PIWIL1: variants seen among roughly 807,000 people sequenced by gnomAD.
PIWIL1 encodes piwi like RNA-mediated gene silencing 1.
A neutral mutation model predicts 114.4 loss-of-function variants in PIWIL1; 73 were observed. That is an observed-to-expected ratio of 0.64 (90% CI 0.53 to 0.78). PIWIL1 has a LOEUF of 0.78. Among genes scored for constraint, PIWIL1 ranks in the 30% least tolerant of loss-of-function variants. PIWIL1 has a pLI of 0.00. For synonymous variants in PIWIL1, 375 were observed against 369.0 expected (o/e 1.02, Z -0.19); for missense variants, 723 against 1,063.1 (o/e 0.68, Z 4.45).
the PIWIL1 span, chr12:130,399,823 C>A: frequency 1.2e-6 from 2 of 1,613,760 alleles, no homozygotes; most frequent in Middle Eastern, 1.6e-4. Context: ...CCTAAAACAC[C>A]AGGGGTGAGG....
chr12:130,409,660 G>A, the PIWIL1 span, among the ~76,000 whole-genome samples: 1 of 152,112 alleles, frequency 6.6e-6, no homozygotes, highest in Non-Finnish European at 1.5e-5. Context: ...TAGCTTTTGA[G>A]ACAGGCTTCT....
At position 130,362,980 on chromosome 12, in the gene PIWIL1, G is replaced by A; in HGVS notation, c.2042-11G>A. 6.2e-7 allele frequency: 1 copy of A among 1,613,370 alleles called. No individual in the cohort carries two copies. ...CATGAATTGACATAAAACTTCTCTG[G>A]CCTGTTTCAGCGGCTCTGAGGGCTT... On this transcript the variant is annotated splice_polypyrimidine_tract_variant and intron_variant, in intron 17 of 20. Coordinates refer to ENST00000245255, the MANE Select transcript of PIWIL1 (RefSeq NM_004764.5).
the PIWIL1 span, among the ~76,000 whole-genome samples, chr12:130,404,604 A>G: frequency 6.6e-6 from 1 of 152,234 alleles, no homozygotes; most frequent in South Asian, 2.1e-4. Context: ...AGTTCCTAAG[A>G]GTAAACTTAA....
At chr12:130,376,904 G>T (rs1205072629), downstream of PIWIL1, among the ~76,000 whole-genome samples, 2 of 152,198 alleles carry the variant, frequency 1.3e-5, no homozygotes, top group Non-Finnish European at 2.9e-5. Flanking sequence ...GCTCACAGGA[G>T]ACTCGGTTCT....
chr12:130,424,106 G>T, the PIWIL1 span: 2 of 1,126,322 alleles, frequency 1.8e-6, no homozygotes, highest in Non-Finnish European at 2.2e-6. The surrounding 1 kb of genome is among the most constrained non-coding windows in gnomAD (Gnocchi z 9.8). Flanking sequence ...GATTGGTTTG[G>T]CAAGCGGCTG....
At chr12:130,426,194 C>G in the PIWIL1 span, 4 of 152,210 alleles carry the variant, frequency 2.6e-5, no homozygotes, top group African/African-American at 9.7e-5. Context: ...CACGTGAGAA[C>G]GTGTGCGCTG....
chr12:130,369,204 A>G (rs768517930), intron 19 of PIWIL1, among the ~76,000 whole-genome samples: 1 of 152,128 alleles, frequency 6.6e-6, no homozygotes, highest in East Asian at 1.9e-4. Context: ...AGCTTCATCC[A>G]TGTCCCTGCA....
the PIWIL1 span, among the ~76,000 whole-genome samples, chr12:130,415,817 C>A: frequency 6.6e-6 from 1 of 152,196 alleles, no homozygotes; most frequent in South Asian, 2.1e-4. Flanking sequence ...GAAGACTCTG[C>A]TAAAAGGCTC....
chr12:130,404,546 C>T, the PIWIL1 span, among the ~76,000 whole-genome samples: 5 of 152,172 alleles, frequency 3.3e-5, no homozygotes, highest in Admixed American at 1.3e-4. Context: ...GTGATCAGCA[C>T]GCCTCAGCCT....
the PIWIL1 span, among the ~76,000 whole-genome samples, chr12:130,394,264 G>T: frequency 2.6e-5 from 4 of 152,164 alleles, no homozygotes; most frequent in African/African-American, 9.7e-5. Context: ...CCAGGCATCA[G>T]TTCTCTGTGA....
In PIWIL1 at chr12:130,363,612, C is replaced by CTTTTTTTTTT. The variant is rs34198016; in HGVS notation, c.2195+482_2195+491dup. The stretch of plus-strand genomic sequence containing the variant: ...GGGCAGGGGTAGTTCTACTTTCTCC[C>CTTTTTTTTTT]TTTTTTTTTTTTTTTTTTTTTTTGA... On this transcript the variant is annotated intron_variant, in intron 18 of 20. Transcript: ENST00000245255. Among the ~76,000 whole-genome samples the CTTTTTTTTTT allele has an allele frequency of 1.3e-4, 11 of 82,432 alleles. 1 individual carries two copies. Among genetic ancestry groups the CTTTTTTTTTT allele is most frequent in the Admixed American group, 3.4e-4 (2 of 5,944 alleles). The allele number at this position is 82,432 out of a possible 152,430, so 54.1% of individuals were successfully genotyped here.
chr12:130,414,477 T>G, the PIWIL1 span: 1 of 599,616 alleles, frequency 1.7e-6, no homozygotes. Context: ...GTCAGATGAA[T>G]TGGAGAAGCA....
At chr12:130,353,465 A>T (rs2073275774) in intron 9 of PIWIL1, among the ~76,000 whole-genome samples, 1 of 151,452 alleles carries the variant, frequency 6.6e-6, no homozygotes, top group Admixed American at 6.6e-5. Context: ...TTTAAGCAGG[A>T]TGCTAAGAAA....
At chr12:130,424,169 T>C in the PIWIL1 span, 7 of 1,231,784 alleles carry the variant, frequency 5.7e-6, no homozygotes, top group Middle Eastern at 3.1e-4. The surrounding 1 kb of genome is among the most constrained non-coding windows in gnomAD (Gnocchi z 9.8). Flanking sequence ...CTCTGGGAGG[T>C]GGCTTTGCGT....
At chr12:130,395,022 G>A in the PIWIL1 span, among the ~76,000 whole-genome samples, 5 of 152,290 alleles carry the variant, frequency 3.3e-5, no homozygotes, top group African/African-American at 1.2e-4. Context: ...GCAGGGGAGG[G>A]GGAGCAGCAG....
intron 9 of PIWIL1, among the ~76,000 whole-genome samples, chr12:130,352,832 T>G (rs2073249507): frequency 6.6e-6 from 1 of 152,204 alleles, no homozygotes; most frequent in Admixed American, 6.5e-5. Flanking sequence ...ACGACCACAC[T>G]TCTACCACCT....
the PIWIL1 span, among the ~76,000 whole-genome samples, chr12:130,423,526 A>G: frequency 6.6e-6 from 1 of 152,180 alleles, no homozygotes; most frequent in African/African-American, 2.4e-5. Context: ...ATGAATCCCT[A>G]TGCTCAAAAC....
the PIWIL1 span, among the ~76,000 whole-genome samples, chr12:130,380,955 T>A: frequency 6.6e-6 from 1 of 152,162 alleles, no homozygotes; most frequent in African/African-American, 2.4e-5. Flanking sequence ...AGACTTTATT[T>A]TTTAGAGGAG....
the PIWIL1 span, chr12:130,397,775 T>A: frequency 2.9e-6 from 1 of 350,446 alleles, no homozygotes; most frequent in Admixed American, 4.7e-5. Context: ...CTCGAGGGAG[T>A]GCGGGGTGGC....
Sources: allele counts gnomAD v4.1 joint callset (sites outside exome capture counted in the v4.1 genomes callset), GRCh38; gene constraint gnomAD v4.1.1; non-coding constraint Gnocchi (gnomAD v3.1); transcripts MANE v1.5; gene names NCBI Gene and HGNC (gene_info 2026-07-23, HGNC 2026-07-21).